ITPRIP: variants seen among roughly 807,000 people sequenced by gnomAD.
ITPRIP encodes inositol 1,4,5-trisphosphate receptor interacting protein.
A neutral mutation model predicts 35.8 loss-of-function variants in ITPRIP; 32 were observed. The observed-to-expected ratio is 0.89, with a 90% CI of 0.68 to 1.20. ITPRIP has a LOEUF of 1.20. ITPRIP is among the 50% of genes most tolerant of loss of function. ITPRIP has a pLI of 0.00. For synonymous variants in ITPRIP, 358 were observed against 324.0 expected (o/e 1.11, Z -1.13); for missense variants, 653 against 735.6 (o/e 0.89, Z 1.30).
rs2013483555 is a variant in ITPRIP at position 104,311,407 on chromosome 10, C to G, written c.*3001G>C. On this transcript the variant is annotated 3_prime_UTR_variant, in exon 2 of 2. Coordinates refer to ENST00000337478, the MANE Select transcript of ITPRIP (RefSeq NM_001272013.2). ...TTGGGGGAAATCTTTAAAAATCGAG[C>G]CTAGCCTGACCACTCCAGACTGGAT... 1 of 152,200 alleles carries G rather than the reference C, an allele frequency of 6.6e-6. No homozygotes were observed. Among genetic ancestry groups the G allele is most frequent in the South Asian group, 2.1e-4 (1 of 4,830 alleles). The allele number at this position is 152,200 out of a possible 1,614,324, so 9.4% of individuals were successfully genotyped here. A position where few individuals can be genotyped will look rare whatever the true frequency, so the allele number is the denominator to read the frequency against.
intron 1 of ITPRIP, among the ~76,000 whole-genome samples, chr10:104,327,990 C>T (rs1189030771): frequency 6.6e-6 from 1 of 152,198 alleles, no homozygotes; most frequent in East Asian, 1.9e-4. Context: ...TTTGTCTTTG[C>T]ATTCCCCAGA....
In ITPRIP at chr10:104,315,968, G is replaced by A. The variant is rs2013671233; in HGVS notation, c.84C>T (p.Ala28=). The change falls in exon 2 of 2, where the codon GCC becomes GCT. Residue 28 remains alanine (A), a synonymous_variant. Coordinates refer to ENST00000337478, the MANE Select transcript of ITPRIP (RefSeq NM_001272013.2). The surrounding 1 kb of genome is among the most constrained non-coding windows in gnomAD (Gnocchi z 5.7). ...TCTCCTCCTCGTTCTCGGGGACTGT[G>A]GCGTTCTCCCGCGGGAACAGCAGCG... ...NHPLLFPREN[A]TVPENEEEII... is the part of the protein sequence containing the mutation. 1 of 1,613,588 alleles carries A rather than the reference G, an allele frequency of 6.2e-7. No individual in the cohort carries two copies. The highest frequency in any genetic ancestry group is 1.3e-5 in the African/African-American group (1 of 75,032).
Position 104,311,359 on chromosome 10 carries a change from C to A in ITPRIP, c.*3049G>T. 1 of 152,340 alleles carries A rather than the reference C, an allele frequency of 6.6e-6. No homozygotes were observed. The allele number at this position is 152,340 out of a possible 1,614,324, so 9.4% of individuals were successfully genotyped here. ...AAGAAAGAAAGTGAGAGGGCTTCCT[C>A]AGCTAGGGGTACCATCAGTCACTTG... On this transcript the variant is annotated 3_prime_UTR_variant, in exon 2 of 2. Coordinates refer to ENST00000337478, the MANE Select transcript of ITPRIP (RefSeq NM_001272013.2).
Position 104,313,092 on chromosome 10 carries a change from G to A in ITPRIP, c.*1316C>T. The A allele has an allele frequency of 1.0e-6, 1 of 985,424 alleles. No individual in the cohort carries two copies. The highest frequency in any genetic ancestry group is 1.2e-6 in the Non-Finnish European group (1 of 829,982). The allele number at this position is 985,424 out of a possible 1,614,324, so 61.0% of individuals were successfully genotyped here. On this transcript the variant is annotated 3_prime_UTR_variant, in exon 2 of 2. Coordinates refer to ENST00000337478, the MANE Select transcript of ITPRIP (RefSeq NM_001272013.2). ...AGCAGTGCCCACACAGAAGGGGTGG[G>A]TTCTGTGCAGTGAGGGAGCCCCGCT...
chr10:104,313,761 C>T lies in ITPRIP; in HGVS notation c.*647G>A. 1 of 985,496 alleles carries T rather than the reference C, an allele frequency of 1.0e-6. No homozygotes were observed. Among genetic ancestry groups the T allele is most frequent in the Non-Finnish European group, 1.2e-6 (1 of 830,014 alleles). The allele number at this position is 985,496 out of a possible 1,614,324, so 61.0% of individuals were successfully genotyped here. ...GCTGAAAAAGTGGCTAATTGTGTTT[C>T]TCTATGCCACCAAGTACCCATTTCC... On this transcript the variant is annotated 3_prime_UTR_variant, in exon 2 of 2. Transcript: ENST00000337478.
intron 1 of ITPRIP, among the ~76,000 whole-genome samples, chr10:104,332,007 G>A (rs1463672837): frequency 6.6e-6 from 1 of 152,164 alleles, no homozygotes; most frequent in Non-Finnish European, 1.5e-5. Context: ...CCAGACAGAC[G>A]CCTGAGGTGG....
In ITPRIP at chr10:104,314,172, A is replaced by G. The variant is rs962797996; in HGVS notation, c.*236T>C. On this transcript the variant is annotated 3_prime_UTR_variant, in exon 2 of 2. Coordinates refer to ENST00000337478, the MANE Select transcript of ITPRIP (RefSeq NM_001272013.2). ...ATCCAGAAGTAAACTGCAAGGGATCAGTCCCTAAACCCAAATAACAGCTTT... is the reference window on the plus strand; with the variant it reads ...ATCCAGAAGTAAACTGCAAGGGATCGGTCCCTAAACCCAAATAACAGCTTT... 2.3e-6 allele frequency: 3 copies of G among 1,320,832 alleles called. No individual in the cohort carries two copies. Among genetic ancestry groups the G allele is most frequent in the Non-Finnish European group, 1.9e-6 (2 of 1,036,628 alleles). 81.8% of individuals were successfully genotyped at this position (1,320,832 alleles called of 1,614,324 possible).
chr10:104,313,824 A>G lies in ITPRIP; in HGVS notation c.*584T>C, dbSNP rs985611640. On this transcript the variant is annotated 3_prime_UTR_variant, in exon 2 of 2. Transcript: ENST00000337478. ...CGTTAGTCATTTGGGCCTCGAATTT[A>G]TACAAGGTCTTTTCTCCAAATAGTA... 3 of 985,492 alleles carry G rather than the reference A, an allele frequency of 3.0e-6. No individual in the cohort carries two copies. Among genetic ancestry groups the G allele is most frequent in the African/African-American group, 1.7e-5 (1 of 57,242 alleles). The allele number at this position is 985,492 out of a possible 1,614,324, so 61.0% of individuals were successfully genotyped here. A position where few individuals can be genotyped will look rare whatever the true frequency, so the allele number is the denominator to read the frequency against.
chr10:104,322,839 G>C (rs1435426062), intron 1 of ITPRIP, among the ~76,000 whole-genome samples: 1 of 152,188 alleles, frequency 6.6e-6, no homozygotes, highest in East Asian at 1.9e-4. Flanking sequence ...AGGCCTTGGG[G>C]GTGACTTGGG....
chr10:104,317,410 C>T (rs1212348187), intron 1 of ITPRIP, among the ~76,000 whole-genome samples: 2 of 152,136 alleles, frequency 1.3e-5, no homozygotes, highest in East Asian at 1.9e-4. Flanking sequence ...TGCAGAATCT[C>T]GGCCCCACCC....
intron 1 of ITPRIP, among the ~76,000 whole-genome samples, chr10:104,336,596 G>C (rs2014241786): frequency 1.7e-5 from 1 of 58,298 alleles, no homozygotes; most frequent in Admixed American, 1.3e-4. Flanking sequence ...CTCCAACCAA[G>C]TGATCCCAAC....
intron 1 of ITPRIP, among the ~76,000 whole-genome samples, chr10:104,316,642 C>A (rs1412553127): frequency 2.0e-5 from 3 of 152,054 alleles, no homozygotes; most frequent in South Asian, 2.1e-4. Context: ...GAAAGCAGAA[C>A]CCCCCCTCCC....
rs1429336727 is a variant in ITPRIP at position 104,311,987 on chromosome 10, G to T, written c.*2421C>A. 8.5e-5 allele frequency: 13 copies of T among 152,148 alleles called. No homozygotes were observed. The highest frequency in any genetic ancestry group is 8.5e-4 in the Admixed American group (13 of 15,280). The allele number at this position is 152,148 out of a possible 1,614,324, so 9.4% of individuals were successfully genotyped here. On this transcript the variant is annotated 3_prime_UTR_variant, in exon 2 of 2. Coordinates refer to ENST00000337478, the MANE Select transcript of ITPRIP (RefSeq NM_001272013.2). The stretch of plus-strand genomic sequence containing the variant: ...AGACAGGGTAGAAATGTTCTGTTTT[G>T]TTATTTTTTAAAGTCTCCTGAAAGT...
At chr10:104,336,578 G>A (rs1004708592) in intron 1 of ITPRIP, among the ~76,000 whole-genome samples, 2 of 151,172 alleles carry the variant, frequency 1.3e-5, no homozygotes, top group African/African-American at 4.9e-5. Context: ...GCAGTGGCAC[G>A]ATCCTAGCTC....
At position 104,311,100 on chromosome 10, in the gene ITPRIP, G is replaced by C. The variant is rs1357943291; in HGVS notation, c.*3308C>G. On this transcript the variant is annotated 3_prime_UTR_variant, in exon 2 of 2. Transcript: ENST00000337478. ...GTTAGGCTCCTGACAAATGCTTGTG[G>C]ACTATTCATGACCTGCTTGGGAGAA... 2 of 152,074 alleles carry C rather than the reference G, an allele frequency of 1.3e-5. No homozygotes were observed. The highest frequency in any genetic ancestry group is 4.8e-5 in the African/African-American group (2 of 41,378). 9.4% of individuals were successfully genotyped at this position (152,074 alleles called of 1,614,324 possible). A position where few individuals can be genotyped will look rare whatever the true frequency, so the allele number is the denominator to read the frequency against.
At chr10:104,320,640 C>T (rs920045976) in intron 1 of ITPRIP, among the ~76,000 whole-genome samples, 1 of 151,232 alleles carries the variant, frequency 6.6e-6, no homozygotes, top group African/African-American at 2.4e-5. Flanking sequence ...CAGGTTCAAG[C>T]AATTCTCCTG....
In ITPRIP at chr10:104,312,583, G is replaced by A. The variant is rs1043580268; in HGVS notation, c.*1825C>T. On this transcript the variant is annotated 3_prime_UTR_variant, in exon 2 of 2. Coordinates refer to ENST00000337478, the MANE Select transcript of ITPRIP (RefSeq NM_001272013.2). ...GCTGGTTCATTCCCTGGAGTGCCCC[G>A]CAACTGCGTCTAGGGAGAGGCAGGC... 5.8e-5 allele frequency: 57 copies of A among 981,610 alleles called. No individual in the cohort carries two copies. Among genetic ancestry groups the A allele is most frequent in the Middle Eastern group, 1.1e-3 (2 of 1,902 alleles). 60.8% of individuals were successfully genotyped at this position (981,610 alleles called of 1,614,324 possible).
rs764687483 is a variant in ITPRIP, at chr10:104,314,435, G to C, written c.1617C>G (p.Pro539=). The change falls in exon 2 of 2, where the codon CCC becomes CCG. Residue 539 remains proline (P), a synonymous_variant. Transcript: ENST00000337478. ...AGCTTTTTGGGGTAGGCTGGTCTGA[G>C]GGGACATGTAGGGAATACTCGCTAA... is the stretch of plus-strand genomic sequence containing the variant. The part of the protein sequence containing the change: ...ALISEYSLHV[P]SDQPTPKS 1.1e-5 allele frequency: 18 copies of C among 1,612,684 alleles called. No homozygotes were observed. Among genetic ancestry groups the C allele is most frequent in the Non-Finnish European group, 1.4e-5 (16 of 1,179,086 alleles).
chr10:104,315,356 TGAGCGGCCGGAGCACCA>T lies in ITPRIP; in HGVS notation c.679_695del (p.Trp227SerfsTer123). The T allele has an allele frequency of 2.6e-6, 4 of 1,561,874 alleles. No homozygotes were observed. Among genetic ancestry groups the T allele is most frequent in the Non-Finnish European group, 3.5e-6 (4 of 1,150,674 alleles). On this transcript the variant is annotated frameshift_variant, in exon 2 of 2. Transcript: ENST00000337478. LOFTEE classifies it high-confidence loss of function. This position sits in a 1 kb window ranked among gnomAD's most constrained non-coding sequence, Gnocchi z 5.7. The stretch of plus-strand genomic sequence containing the variant: ...CGTAGCCCTGGCGATCCAGGGGCAC[TGAGCGGCCGGAGCACCA>T]GAGCTCTGGGTGGAAGCGGTAGGGC...
Sources: allele counts gnomAD v4.1 joint callset (sites outside exome capture counted in the v4.1 genomes callset), GRCh38; gene constraint gnomAD v4.1.1; non-coding constraint Gnocchi (gnomAD v3.1); transcripts MANE v1.5; gene names NCBI Gene and HGNC (gene_info 2026-07-23, HGNC 2026-07-21).